Variants in CEACAM5 observed in about 807,000 individuals in gnomAD.
CEACAM5 encodes cell adhesion molecule CEACAM5.
Under a neutral mutation model 63.0 loss-of-function variants are expected in CEACAM5, and 52 were observed. That is an observed-to-expected ratio of 0.83 (90% CI 0.66 to 1.04). The LOEUF is 1.04. Ranked by LOEUF, CEACAM5 falls within the 50% of genes least tolerant of loss-of-function variation. The pLI is 0.00. For missense variants in CEACAM5, 790 were observed against 864.8 expected (o/e 0.91, Z 1.08); for synonymous variants, 357 against 351.3 (o/e 1.02, Z -0.18).
intron 8 of CEACAM5, 40 bp from the exon 9 acceptor site, chr19:41,727,194 A>G (rs540122471): frequency 1.6e-5 from 23 of 1,468,144 alleles, no homozygotes; most frequent in Non-Finnish European, 2.2e-5. Flanking sequence ...ATAACATCAC[A>G]TTCATTCCTT....
intron 1 of CEACAM5, among the ~76,000 whole-genome samples, chr19:41,709,470 A>C (rs1387201529): frequency 6.6e-6 from 1 of 152,104 alleles, no homozygotes; most frequent in African/African-American, 2.4e-5. Context: ...CAGATTCCAC[A>C]CAGGGAAATG....
intron 6 of CEACAM5, among the ~76,000 whole-genome samples, chr19:41,719,494 G>T (rs1164624461): frequency 1.3e-5 from 2 of 152,016 alleles, no homozygotes; most frequent in Non-Finnish European, 1.5e-5. Context: ...ACCCATCCCC[G>T]TCATCACCCA....
Position 41,730,288 on chromosome 19 carries a change from G to A in CEACAM5, c.*1141G>A. Among the ~76,000 whole-genome samples, 1 of 152,050 alleles carries A rather than the reference G, an allele frequency of 6.6e-6. No individual in the cohort carries two copies. The highest frequency in any genetic ancestry group is 6.6e-5 in the Admixed American group (1 of 15,258). On this transcript the variant is annotated 3_prime_UTR_variant, in exon 10 of 10. Transcript: ENST00000221992. Reference sequence around the variant, plus strand: ...ACAAAAAAAGTTAGCCGGGCGTGGTGGTGGGGGCCTGTAGTCCCAGCTACT... The same window carrying A: ...ACAAAAAAAGTTAGCCGGGCGTGGTAGTGGGGGCCTGTAGTCCCAGCTACT...
chr19:41,717,304 T>C (rs1228719777), intron 4 of CEACAM5, 151 bp from the exon 5 acceptor site: 9 of 815,374 alleles, frequency 1.1e-5, no homozygotes, highest in South Asian at 5.1e-5. Context: ...CAGATCATTG[T>C]GCATCTGTCT....
intron 1 of CEACAM5, among the ~76,000 whole-genome samples, 179 bp downstream of exon 1, chr19:41,708,974 A>G (rs2072388195): frequency 6.6e-6 from 1 of 152,268 alleles, no homozygotes; most frequent in African/African-American, 2.4e-5. Context: ...AAGGGGCAGG[A>G]AAACCTCAAG....
intron 8 of CEACAM5, 24 bp downstream of exon 8, chr19:41,721,200 G>A (rs1181085477): frequency 2.5e-6 from 4 of 1,612,976 alleles, no homozygotes; most frequent in Middle Eastern, 1.6e-4. Flanking sequence ...TGGAGCATCA[G>A]CATCATATTC....
At chr19:41,723,226 T>G (rs1375946037) in intron 8 of CEACAM5, among the ~76,000 whole-genome samples, 2 of 152,206 alleles carry the variant, frequency 1.3e-5, no homozygotes, top group African/African-American at 4.8e-5. Context: ...ATGTTAATTA[T>G]TTATTTAATT....
chr19:41,714,703 C>G (rs1182888790), intron 2 of CEACAM5, among the ~76,000 whole-genome samples: 1 of 143,742 alleles, frequency 7.0e-6, no homozygotes, highest in African/African-American at 3.0e-5. Flanking sequence ...GCTGTGACCT[C>G]CCCCCCAGTC....
At position 41,720,010 on chromosome 19, in the gene CEACAM5, C is replaced by T. The variant is rs782578740; in HGVS notation, c.1573C>T (p.Pro525Ser). The change falls in exon 7 of 10, where the codon CCT becomes TCT. Residue 525 changes from proline to serine, a missense_variant. Coordinates refer to ENST00000221992, the MANE Select transcript of CEACAM5 (RefSeq NM_004363.6). ...GGATGCTGTGGCCTTCACCTGTGAA[C>T]CTGAGGCTCAGAACACAACCTACCT... ...DKDAVAFTCE[P>S]EAQNTTYLWW... 6 of 1,614,258 alleles carry T rather than the reference C, an allele frequency of 3.7e-6. No individual in the cohort carries two copies. Among genetic ancestry groups the T allele is most frequent in the East Asian group, 4.5e-5 (2 of 44,892 alleles).
rs138734928 is a variant in CEACAM5, at chr19:41,717,326, C to T, written c.959-129C>T. 3.3e-3 allele frequency: 3,314 copies of T among 992,346 alleles called. 68 individuals carry two copies. The African/African-American group carries it at 0.046, about 14-fold the overall frequency. The allele number at this position is 992,346 out of a possible 1,614,324, so 61.5% of individuals were successfully genotyped here. A position where few individuals can be genotyped will look rare whatever the true frequency, so the allele number is the denominator to read the frequency against. On this transcript the variant is annotated intron_variant, in intron 4 of 9. Coordinates refer to ENST00000221992, the MANE Select transcript of CEACAM5 (RefSeq NM_004363.6). ...TTGTGCATCTGTCTTGTGACGCACA[C>T]ACACCTGCCATGAGCTTTTAAGGAC...
At position 41,718,918 on chromosome 19, in the gene CEACAM5, G is replaced by T. The variant is rs1448758696; in HGVS notation, c.1492+536G>T. ...CTGATTTCACCTGGGGTGGGATCCG[G>T]GCATGTGGAGAAGGTGCTCAGGTGG... On this transcript the variant is annotated intron_variant, in intron 6 of 9. Coordinates refer to ENST00000221992, the MANE Select transcript of CEACAM5 (RefSeq NM_004363.6). Among the ~76,000 whole-genome samples the T allele has an allele frequency of 7.9e-5, 12 of 152,376 alleles. No individual in the cohort carries two copies. In the East Asian group the frequency reaches 2.3e-3, roughly 29 times the overall value.
chr19:41,725,145 G>A (rs1188497134), intron 8 of CEACAM5, among the ~76,000 whole-genome samples: 2 of 152,082 alleles, frequency 1.3e-5, no homozygotes, highest in Non-Finnish European at 2.9e-5. Flanking sequence ...CATAATTAGA[G>A]TGTTTTTGTT....
At position 41,715,345 on chromosome 19, in the gene CEACAM5, G is replaced by A. The variant is rs1456419534; in HGVS notation, c.703+96G>A. On this transcript the variant is annotated intron_variant, in intron 3 of 9. Coordinates refer to ENST00000221992, the MANE Select transcript of CEACAM5 (RefSeq NM_004363.6). ...AGTCCCTCTCAGGTTCAAGTACACA[G>A]ACCCTCAACCCTGGACATCCAGACT... is the stretch of plus-strand genomic sequence containing the variant. 5.2e-6 allele frequency: 8 copies of A among 1,534,398 alleles called. No homozygotes were observed. The East Asian group carries it at 1.3e-4, about 26-fold the overall frequency.
At chr19:41,729,076 G>A (rs1257255740) in intron 9 of CEACAM5, 108 bp from the exon 10 acceptor site, 2 of 152,152 alleles carry the variant, frequency 1.3e-5, no homozygotes, top group Non-Finnish European at 2.9e-5. Flanking sequence ...CAGCCATAAT[G>A]TCATATGCCA....
chr19:41,728,005 G>A (rs2072723073), intron 9 of CEACAM5, among the ~76,000 whole-genome samples: 1 of 152,098 alleles, frequency 6.6e-6, no homozygotes, highest in African/African-American at 2.4e-5. Context: ...TCTGCACTGT[G>A]GAGTTACCCA....
In CEACAM5 at chr19:41,715,070, C is replaced by T. The variant is rs1555814650; in HGVS notation, c.524C>T (p.Thr175Ile). ...TGTGAACCTGAGACTCAGGACGCAA[C>T]CTACCTGTGGTGGGTAAACAATCAG... ...FTCEPETQDA[T>I]YLWWVNNQSL... is the part of the protein sequence containing the mutation. The change falls in exon 3 of 10, where the codon ACC (threonine) becomes ATC (isoleucine). Residue 175 changes from threonine to isoleucine, a missense_variant. By Grantham distance (89) the Thr-to-Ile change is moderately conservative. Coordinates refer to ENST00000221992, the MANE Select transcript of CEACAM5 (RefSeq NM_004363.6). 1 of 1,614,198 alleles carries T rather than the reference C, an allele frequency of 6.2e-7. No homozygotes were observed. The highest frequency in any genetic ancestry group is 1.1e-5 in the South Asian group (1 of 91,090).
chr19:41,716,715 G>A (rs2072532323), intron 4 of CEACAM5, among the ~76,000 whole-genome samples: 1 of 152,174 alleles, frequency 6.6e-6, no homozygotes, highest in African/African-American at 2.4e-5. Flanking sequence ...GAATGGCAGT[G>A]TCAAAAATCG....
At chr19:41,721,800 T>C (rs1402282968) in intron 8 of CEACAM5, among the ~76,000 whole-genome samples, 1 of 152,144 alleles carries the variant, frequency 6.6e-6, no homozygotes, top group Non-Finnish European at 1.5e-5. Context: ...TTGGGTCAGG[T>C]TGCAGGGAAA....
chr19:41,714,852 C>A (rs1555814597), intron 2 of CEACAM5, 119 bp from the exon 3 acceptor site: 1 of 1,542,324 alleles, frequency 6.5e-7, no homozygotes, highest in African/African-American at 1.4e-5. Context: ...ATGCACCCAC[C>A]GTGGGTTTTT....
Sources: gnomAD v4.1 joint callset for allele counts (sites outside exome capture counted in the v4.1 genomes callset) on GRCh38, gnomAD v4.1.1 for gene constraint, MANE v1.5 for transcripts, NCBI Gene and HGNC (gene_info 2026-07-23, HGNC 2026-07-21) for gene names.